Variants in CRYZL1 observed in about 807,000 individuals in gnomAD.
CRYZL1 encodes ferry endosomal RAB5 effector complex subunit 4.
A neutral mutation model predicts 50.6 loss-of-function variants in CRYZL1; 34 were observed. The observed-to-expected ratio is 0.67, with a 90% CI of 0.51 to 0.89. The LOEUF (loss-of-function observed/expected upper bound fraction) is 0.89. Ranked by LOEUF, CRYZL1 falls within the 40% of genes least tolerant of loss-of-function variation. The pLI is 0.00. For missense variants in CRYZL1, 354 were observed against 402.3 expected (o/e 0.88, Z 1.03); for synonymous variants, 125 against 134.3 (o/e 0.93, Z 0.48).
intron 6 of CRYZL1, among the ~76,000 whole-genome samples, chr21:33,612,308 T>G (rs2086880623): frequency 6.6e-6 from 1 of 151,240 alleles, no homozygotes; most frequent in Non-Finnish European, 1.5e-5. Context: ...TTTTTTGAGA[T>G]GAAGTCTCAC....
chr21:33,625,821 T>C (rs1601346393), intron 2 of CRYZL1, among the ~76,000 whole-genome samples: 1 of 151,938 alleles, frequency 6.6e-6, no homozygotes, highest in South Asian at 2.1e-4. Flanking sequence ...AATTCTTTTT[T>C]AAAAATATAA....
intron 6 of CRYZL1, 143 bp downstream of exon 6, chr21:33,613,395 A>G (rs1034553243): frequency 1.8e-6 from 1 of 562,648 alleles, no homozygotes; most frequent in Non-Finnish European, 3.1e-6. Flanking sequence ...TGACCAGCCA[A>G]CATTTTTTAC....
intron 5 of CRYZL1, among the ~76,000 whole-genome samples, chr21:33,615,657 T>C (rs1431452751): frequency 1.3e-5 from 2 of 152,178 alleles, no homozygotes; most frequent in South Asian, 4.1e-4. Context: ...GCAAAAATAC[T>C]GTGGATTTTA....
intron 6 of CRYZL1, among the ~76,000 whole-genome samples, chr21:33,612,478 A>G (rs1055465486): frequency 2.0e-5 from 3 of 152,116 alleles, no homozygotes; most frequent in Non-Finnish European, 4.4e-5. Context: ...TAGTAGAGAC[A>G]GAGTTTCACC....
At chr21:33,631,038 A>G (rs2087131916) in intron 2 of CRYZL1, among the ~76,000 whole-genome samples, 1 of 152,226 alleles carries the variant, frequency 6.6e-6, no homozygotes, top group South Asian at 2.1e-4. Flanking sequence ...CAACAGGTAC[A>G]AAGTTACAGG....
intron 9 of CRYZL1, among the ~76,000 whole-genome samples, chr21:33,597,635 C>T (rs1219005080): frequency 6.0e-5 from 9 of 151,162 alleles, no homozygotes; most frequent in East Asian, 1.9e-4. Context: ...TTTTTTGAGA[C>T]GGAGTCTCGC....
Position 33,589,363 on chromosome 21 carries a change from CT to C in CRYZL1, c.*458del. The C allele has an allele frequency of 5.8e-6, 1 of 171,890 alleles. No individual in the cohort carries two copies. Among genetic ancestry groups the C allele is most frequent in the South Asian group, 1.9e-4 (1 of 5,328 alleles). 10.6% of individuals were successfully genotyped at this position (171,890 alleles called of 1,614,324 possible). A position where few individuals can be genotyped will look rare whatever the true frequency, so the allele number is the denominator to read the frequency against. On this transcript the variant is annotated 3_prime_UTR_variant, in exon 13 of 13. Transcript: ENST00000381554. ...AAATTTAAGTGCCTATGGGCTAAGT[CT>C]TTTAAGACTTCAAAATATACTCAAA...
At position 33,600,629 on chromosome 21, in the gene CRYZL1, C is replaced by CT. The variant is rs141776549; in HGVS notation, c.578-1382dup. Among the ~76,000 whole-genome samples the CT allele has an allele frequency of 4.0e-3, 559 of 139,910 alleles. 1 individual carries two copies. Among genetic ancestry groups the CT allele is most frequent in the African/African-American group, 7.2e-3 (276 of 38,372 alleles). The allele number at this position is 139,910 out of a possible 152,430, so 91.8% of individuals were successfully genotyped here. ...GTTCTTTTTTTTAATACCATTCATG[C>CT]TTTTTTTTTTTTTTGAGATGGAGTC... On this transcript the variant is annotated intron_variant, in intron 8 of 12. Coordinates refer to ENST00000381554, the MANE Select transcript of CRYZL1 (RefSeq NM_145858.3).
chr21:33,640,301 T>C, intron 1 of CRYZL1: 1 of 1,466,166 alleles, frequency 6.8e-7, no homozygotes, highest in Non-Finnish European at 9.2e-7. Context: ...TCCCCTGCTG[T>C]AAGCTGGAAC....
At chr21:33,595,883 A>T in intron 10 of CRYZL1, 47 bp from the exon 11 acceptor site, 1 of 1,293,344 alleles carries the variant, frequency 7.7e-7, no homozygotes, top group Non-Finnish European at 1.1e-6. Flanking sequence ...TGAGTTTAAC[A>T]GCAGGATGAC....
chr21:33,627,776 G>C (rs1010351179), intron 2 of CRYZL1, among the ~76,000 whole-genome samples: 4 of 104,426 alleles, frequency 3.8e-5, no homozygotes, highest in Non-Finnish European at 7.1e-5. Flanking sequence ...ACCGAGTCTT[G>C]CTCTCCTGCC....
chr21:33,624,130 GTC>G (rs1294772061), intron 3 of CRYZL1, among the ~76,000 whole-genome samples: 4 of 152,020 alleles, frequency 2.6e-5, no homozygotes, highest in Non-Finnish European at 5.9e-5. Flanking sequence ...TTTACATTAT[GTC>G]TGTTTTCTTA....
At chr21:33,629,099 G>A (rs545067201) in intron 2 of CRYZL1, among the ~76,000 whole-genome samples, 1 of 151,904 alleles carries the variant, frequency 6.6e-6, no homozygotes. Flanking sequence ...GACAGACATG[G>A]TGGCACATGT....
At chr21:33,630,979 T>C (rs568288798) in intron 2 of CRYZL1, among the ~76,000 whole-genome samples, 42 of 152,144 alleles carry the variant, frequency 2.8e-4, no homozygotes, top group Non-Finnish European at 5.4e-4. Context: ...ATAATGGTTA[T>C]TAGAGGCTGG....
chr21:33,603,591 C>T (rs2086779203), intron 6 of CRYZL1, 54 bp from the exon 7 acceptor site: 2 of 1,599,954 alleles, frequency 1.3e-6, no homozygotes, highest in Admixed American at 3.3e-5. Context: ...CAAGTCCTAC[C>T]TCCTGGATCT....
intron 4 of CRYZL1, 105 bp from the exon 5 acceptor site, chr21:33,616,855 T>C (rs1215256138): frequency 9.2e-7 from 1 of 1,082,124 alleles, no homozygotes; most frequent in African/African-American, 1.6e-5. Context: ...AAAAGACTGA[T>C]TTTGTTTAAT....
At chr21:33,596,131 A>G in intron 10 of CRYZL1, 1 of 571,796 alleles carries the variant, frequency 1.7e-6, no homozygotes, top group Non-Finnish European at 3.4e-6. Context: ...TTGGAAAATC[A>G]GTGAAGATTG....
intron 1 of CRYZL1, among the ~76,000 whole-genome samples, chr21:33,632,005 G>A (rs1369691588): frequency 6.6e-6 from 1 of 152,028 alleles, no homozygotes; most frequent in African/African-American, 2.4e-5. Context: ...TTCTGTATCA[G>A]TCTATAAACC....
intron 1 of CRYZL1, among the ~76,000 whole-genome samples, 168 bp from the exon 2 acceptor site, chr21:33,631,725 G>A (rs2087139734): frequency 6.6e-6 from 1 of 152,130 alleles, no homozygotes; most frequent in African/African-American, 2.4e-5. Flanking sequence ...AAGAGAATAT[G>A]CAACACTCTC....
Sources: allele counts gnomAD v4.1 joint callset (sites outside exome capture counted in the v4.1 genomes callset), GRCh38; gene constraint gnomAD v4.1.1; transcripts MANE v1.5; gene names NCBI Gene and HGNC (gene_info 2026-07-23, HGNC 2026-07-21).